The following TCF7L1 variants were observed in gnomAD, a reference collection of about 807,000 sequenced individuals.
TCF7L1 encodes transcription factor 7 like 1.
Under a neutral mutation model 63.7 loss-of-function variants are expected in TCF7L1, and 18 were observed. The ratio of observed to expected loss-of-function variants is 0.28; its 90% CI spans 0.20 to 0.42. The LOEUF (loss-of-function observed/expected upper bound fraction) is 0.42, where lower values mean the gene tolerates loss of function less well. Ranked by LOEUF, TCF7L1 falls within the 10% of genes least tolerant of loss-of-function variation. The pLI is 1.00. For synonymous variants in TCF7L1, 355 were observed against 340.9 expected, an observed-to-expected ratio of 1.04 and a Z score of -0.46; for missense variants, 654 against 779.3, an observed-to-expected ratio of 0.84 and a Z score of 1.91.
intron 3 of TCF7L1, among the ~76,000 whole-genome samples, chr2:85,222,261 A>C (rs1679857977): frequency 6.6e-6 from 1 of 151,840 alleles, no homozygotes; most frequent in African/African-American, 2.4e-5. Context: ...GAATCGCTTG[A>C]AACCAGAAGG....
At chr2:85,220,525 C>A (rs960163670) in intron 3 of TCF7L1, among the ~76,000 whole-genome samples, 2 of 151,992 alleles carry the variant, frequency 1.3e-5, no homozygotes, top group East Asian at 1.9e-4. Flanking sequence ...GCCTCCATGC[C>A]CAGCTAACTT....
chr2:85,285,708 C>G (rs1302760340), intron 4 of TCF7L1, among the ~76,000 whole-genome samples: 1 of 152,196 alleles, frequency 6.6e-6, no homozygotes, highest in Non-Finnish European at 1.5e-5. Flanking sequence ...CACCCTAGAC[C>G]TGGCTCGTGC....
chr2:85,305,442 A>G lies in TCF7L1; in HGVS notation c.989+39A>G, dbSNP rs558932200. On this transcript the variant is annotated intron_variant, in intron 8 of 11. Coordinates refer to ENST00000282111, the MANE Select transcript of TCF7L1 (RefSeq NM_031283.3). ...AGCCTGGATTCAGGTGGGAGGGTGCAGGCTGTGGGGAGGGGTGGCCACACT... is the reference window on the plus strand; with the variant it reads ...AGCCTGGATTCAGGTGGGAGGGTGCGGGCTGTGGGGAGGGGTGGCCACACT... 2.3e-4 allele frequency: 362 copies of G among 1,577,068 alleles called. 5 individuals are homozygous for G. In the South Asian group the frequency reaches 4.0e-3, roughly 17 times the overall value.
intron 3 of TCF7L1, among the ~76,000 whole-genome samples, chr2:85,192,691 C>CTT (rs58826165): frequency 0.012 from 1,622 of 134,122 alleles, 32 homozygotes; most frequent in African/African-American, 0.041. Context: ...CCTAACTAAT[C>CTT]TTTTTTTTTT....
intron 3 of TCF7L1, among the ~76,000 whole-genome samples, chr2:85,279,917 G>C (rs1204387131): frequency 6.6e-6 from 1 of 152,162 alleles, no homozygotes; most frequent in East Asian, 1.9e-4. Flanking sequence ...CGACCAGTGT[G>C]GTCTCCTCCC....
rs1682223927 is a variant in TCF7L1, at chr2:85,309,466, C to T, written c.*4C>T. 1 of 1,508,978 alleles carries T rather than the reference C, an allele frequency of 6.6e-7. No homozygotes were observed. The highest frequency in any genetic ancestry group is 8.8e-7 in the Non-Finnish European group (1 of 1,132,640). 93.5% of individuals were successfully genotyped at this position (1,508,978 alleles called of 1,614,324 possible). On this transcript the variant is annotated 3_prime_UTR_variant, in exon 12 of 12. Coordinates refer to ENST00000282111, the MANE Select transcript of TCF7L1 (RefSeq NM_031283.3). ...GGTCACCAAGTCTGCCCACTAAGCTCCCCCCGACCCCTGCAGGCTGTCACA... is the reference window on the plus strand; with the variant it reads ...GGTCACCAAGTCTGCCCACTAAGCTTCCCCCGACCCCTGCAGGCTGTCACA...
chr2:85,219,761 T>C (rs1679802766), intron 3 of TCF7L1, among the ~76,000 whole-genome samples: 1 of 152,158 alleles, frequency 6.6e-6, no homozygotes, highest in Admixed American at 6.5e-5. Flanking sequence ...ATACCTAAAA[T>C]GTAGTGCCAT....
rs778319456 is a variant in TCF7L1, at chr2:85,304,286, G to A, written c.793G>A (p.Gly265Ser). ...CCAGCCCATGTACTCCCTTCCTCCC[G>A]GTGGCTTCCGGCACCCTTACCCCGC... ...QGQPMYSLPP[G>S]GFRHPYPALA... Residue 265 changes from glycine (G) to serine (S), a missense_variant, in exon 7 of 12, where the codon GGT (glycine) becomes AGT (serine). Coordinates refer to ENST00000282111, the MANE Select transcript of TCF7L1 (RefSeq NM_031283.3). 1.2e-5 allele frequency: 20 copies of A among 1,613,712 alleles called. No individual in the cohort carries two copies. The highest frequency in any genetic ancestry group is 3.3e-5 in the South Asian group (3 of 91,072).
At chr2:85,274,644 T>C (rs1455863284) in intron 3 of TCF7L1, among the ~76,000 whole-genome samples, 1 of 152,236 alleles carries the variant, frequency 6.6e-6, no homozygotes, top group Admixed American at 6.5e-5. Context: ...GCGCTGAGCC[T>C]TCAGTGACTC....
At chr2:85,242,604 T>C (rs1188724876) in intron 3 of TCF7L1, among the ~76,000 whole-genome samples, 1 of 152,206 alleles carries the variant, frequency 6.6e-6, no homozygotes, top group African/African-American at 2.4e-5. Flanking sequence ...TGAATGGGGC[T>C]TGGCATTGAG....
At chr2:85,227,843 T>C (rs1573000206) in intron 3 of TCF7L1, among the ~76,000 whole-genome samples, 1 of 151,080 alleles carries the variant, frequency 6.6e-6, no homozygotes, top group African/African-American at 2.4e-5. Context: ...AAAATAAAAA[T>C]TAGCCAGGCG....
Position 85,267,649 on chromosome 2 carries a change from C to CAA in TCF7L1, c.442-15829_442-15828dup, listed in dbSNP as rs200180895. Among the ~76,000 whole-genome samples, 895 of 98,416 alleles carry CAA rather than the reference C, an allele frequency of 9.1e-3. 6 individuals are homozygous for CAA. Among genetic ancestry groups the CAA allele is most frequent in the Non-Finnish European group, 0.014 (705 of 50,828 alleles). 64.6% of individuals were successfully genotyped at this position (98,416 alleles called of 152,430 possible). ...GGGCGACAGAGGAAAGACTCTGTCT[C>CAA]AAAAAAAAAAAAAAAAAAGAGTTGG... On this transcript the variant is annotated intron_variant, in intron 3 of 11. Coordinates refer to ENST00000282111, the MANE Select transcript of TCF7L1 (RefSeq NM_031283.3).
intron 3 of TCF7L1, among the ~76,000 whole-genome samples, chr2:85,222,495 C>G (rs1213143805): frequency 6.6e-6 from 1 of 151,308 alleles, no homozygotes; most frequent in East Asian, 1.9e-4. Flanking sequence ...TGGTGAAATC[C>G]CTGTCTCCAC....
chr2:85,164,219 C>T (rs1678356842), intron 3 of TCF7L1, among the ~76,000 whole-genome samples: 2 of 152,248 alleles, frequency 1.3e-5, no homozygotes. Context: ...CACTGACTGG[C>T]GTCTGCTCCC....
chr2:85,182,223 G>A (rs933686605), intron 3 of TCF7L1, among the ~76,000 whole-genome samples: 5 of 152,172 alleles, frequency 3.3e-5, no homozygotes, highest in Non-Finnish European at 7.3e-5. Context: ...GGTCTGGCAC[G>A]TGATCTGGGG....
At chr2:85,308,581 C>T (rs1457173875) in intron 11 of TCF7L1, among the ~76,000 whole-genome samples, 1 of 149,766 alleles carries the variant, frequency 6.7e-6, no homozygotes, top group Non-Finnish European at 1.5e-5. Context: ...CTCCCCTCCT[C>T]CCTTCCTTCC....
chr2:85,241,434 TTTG>T lies in TCF7L1; in HGVS notation c.442-42058_442-42056del, dbSNP rs1479936201. ...TCCAGAGGACTGGATGCACTTTGTT[TTTG>T]TTTTTTTTTTTTTTTTTTTTTTTTT... On this transcript the variant is annotated intron_variant, in intron 3 of 11. Transcript: ENST00000282111. 2.9e-4 allele frequency among the ~76,000 whole-genome samples: 33 copies of T among 114,296 alleles called. 1 individual carries two copies. The highest frequency in any genetic ancestry group is 1.5e-3 in the African/African-American group (32 of 21,016). The allele number at this position is 114,296 out of a possible 152,430, so 75.0% of individuals were successfully genotyped here.
At chr2:85,135,574 A>G (rs536238696) in intron 3 of TCF7L1, among the ~76,000 whole-genome samples, 2 of 152,130 alleles carry the variant, frequency 1.3e-5, no homozygotes, top group Non-Finnish European at 1.5e-5. Flanking sequence ...AAAGGGTGCT[A>G]GAGAAAGGCT....
intron 3 of TCF7L1, among the ~76,000 whole-genome samples, chr2:85,235,608 G>A (rs1680171885): frequency 6.6e-6 from 1 of 152,108 alleles, no homozygotes; most frequent in Non-Finnish European, 1.5e-5. Context: ...GCTCAACTAG[G>A]AAGAGGCAGC....
Sources: allele counts gnomAD v4.1 joint callset (sites outside exome capture counted in the v4.1 genomes callset), GRCh38; gene constraint gnomAD v4.1.1; transcripts MANE v1.5; gene names NCBI Gene and HGNC (gene_info 2026-07-23, HGNC 2026-07-21).